The following CAP2 variants were observed in gnomAD, a reference collection of about 807,000 sequenced individuals.
CAP2 encodes the protein cyclase associated actin cytoskeleton regulatory protein 2.
A neutral mutation model predicts 57.7 loss-of-function variants in CAP2; 24 were observed. The ratio of observed to expected loss-of-function variants is 0.42; its 90% CI spans 0.30 to 0.58. The LOEUF is 0.58. Ranked by LOEUF, CAP2 falls within the 20% of genes least tolerant of loss-of-function variation. The pLI, the probability that CAP2 is intolerant of heterozygous loss-of-function variation, is 0.22. For synonymous variants in CAP2, 194 were observed against 207.2 expected (o/e 0.94, Z 0.55); for missense variants, 501 against 590.3 (o/e 0.85, Z 1.57).
intron 7 of CAP2, among the ~76,000 whole-genome samples, chr6:17,530,718 G>A (rs1762619417): frequency 6.6e-6 from 1 of 152,094 alleles, no homozygotes; most frequent in Admixed American, 6.5e-5. Flanking sequence ...AGCTAGCTCT[G>A]TGGAAGAAAC....
chr6:17,408,309 G>C (rs1363179901), intron 1 of CAP2, among the ~76,000 whole-genome samples: 1 of 152,040 alleles, frequency 6.6e-6, no homozygotes, highest in Non-Finnish European at 1.5e-5. Flanking sequence ...AGAGGTGCCA[G>C]GCTCATTTTT....
chr6:17,463,167 C>A, intron 4 of CAP2, 94 bp downstream of exon 4: 2 of 856,710 alleles, frequency 2.3e-6, no homozygotes, highest in South Asian at 1.5e-5. Flanking sequence ...TATAGTCGAC[C>A]TCCTAAAAAT....
At chr6:17,510,574 G>GCCTCCAAATGTTGCCGTGTTGTATT (rs1450945146) in intron 6 of CAP2, among the ~76,000 whole-genome samples, 2 of 152,162 alleles carry the variant, frequency 1.3e-5, no homozygotes, top group African/African-American at 4.8e-5. Flanking sequence ...CCAATGATAT[G>GCCTCCAAATGTTGCCGTGTTGTATT]CCTCCAAATG....
intron 4 of CAP2, among the ~76,000 whole-genome samples, chr6:17,501,880 C>T (rs76671671): frequency 0.066 from 10,056 of 152,198 alleles, 375 homozygotes; most frequent in East Asian, 0.12. Flanking sequence ...TGAAAACATG[C>T]AGTTTGTTCA....
At chr6:17,550,702 A>G (rs1302429298) in intron 11 of CAP2, among the ~76,000 whole-genome samples, 2 of 152,166 alleles carry the variant, frequency 1.3e-5, no homozygotes, top group Non-Finnish European at 2.9e-5. Context: ...GGTATGTCTG[A>G]AAACTGATTG....
chr6:17,398,318 T>A (rs747936324), intron 1 of CAP2, among the ~76,000 whole-genome samples: 1 of 152,084 alleles, frequency 6.6e-6, no homozygotes, highest in Non-Finnish European at 1.5e-5. Context: ...GTATTTCCGA[T>A]GTGATTTAGT....
At chr6:17,466,274 A>G in intron 4 of CAP2, among the ~76,000 whole-genome samples, 1 of 152,238 alleles carries the variant, frequency 6.6e-6, no homozygotes, top group Admixed American at 6.5e-5. Flanking sequence ...AGTGACATAC[A>G]ACAGTGATTC....
chr6:17,415,822 A>G lies in CAP2; in HGVS notation c.-1-5733A>G, dbSNP rs150729697. ...AGGTTGTTATTCTAGGCTTATCACC[A>G]TTGACATTGCGCCATGGAGTGTCAA... On this transcript the variant is annotated intron_variant, in intron 1 of 12. Coordinates refer to ENST00000229922, the MANE Select transcript of CAP2 (RefSeq NM_006366.3). 4.0e-4 allele frequency among the ~76,000 whole-genome samples: 61 copies of G among 152,322 alleles called. No homozygotes were observed. In the East Asian group the frequency reaches 0.01, roughly 26 times the overall value.
intron 12 of CAP2, among the ~76,000 whole-genome samples, chr6:17,554,890 T>C (rs1763258592): frequency 6.6e-6 from 1 of 152,224 alleles, no homozygotes; most frequent in South Asian, 2.1e-4. Flanking sequence ...AGTGTTGACT[T>C]AGACTACTTT....
intron 4 of CAP2, among the ~76,000 whole-genome samples, chr6:17,482,813 C>G (rs536204325): frequency 6.6e-6 from 1 of 152,274 alleles, no homozygotes; most frequent in African/African-American, 2.4e-5. Flanking sequence ...CTGCAACAAC[C>G]CTATTTCCAA....
At chr6:17,517,620 G>A (rs1008207604) in intron 7 of CAP2, among the ~76,000 whole-genome samples, 1 of 152,148 alleles carries the variant, frequency 6.6e-6, no homozygotes, top group Non-Finnish European at 1.5e-5. Flanking sequence ...TGTGTTATAA[G>A]CTAGGTGTGG....
intron 4 of CAP2, among the ~76,000 whole-genome samples, chr6:17,475,444 C>A (rs1292223235): frequency 1.3e-5 from 2 of 152,050 alleles, no homozygotes; most frequent in Non-Finnish European, 2.9e-5. Flanking sequence ...GAAGAACAAG[C>A]GAGATAGTGT....
chr6:17,418,751 A>G (rs533053515), intron 1 of CAP2, among the ~76,000 whole-genome samples: 2 of 152,212 alleles, frequency 1.3e-5, no homozygotes, highest in Admixed American at 6.5e-5. Context: ...AACTGTGAAC[A>G]GATGGGCAAC....
At chr6:17,545,855 C>G (rs1055521509) in intron 11 of CAP2, among the ~76,000 whole-genome samples, 31 of 152,152 alleles carry the variant, frequency 2.0e-4, no homozygotes, top group South Asian at 4.1e-4. Context: ...ATCCATGTCC[C>G]TACAAAGGAC....
At chr6:17,466,892 T>C (rs1168969717) in intron 4 of CAP2, among the ~76,000 whole-genome samples, 15 of 152,204 alleles carry the variant, frequency 9.9e-5, no homozygotes, top group Admixed American at 6.5e-4. Context: ...GTGCGCACTA[T>C]ATAGCTATCT....
Position 17,557,289 on chromosome 6 carries a change from T to G in CAP2, c.*847T>G, listed in dbSNP as rs571752505. 3 of 152,218 alleles carry G rather than the reference T, an allele frequency of 2.0e-5. No individual in the cohort carries two copies. Among genetic ancestry groups the G allele is most frequent in the Non-Finnish European group, 4.4e-5 (3 of 68,030 alleles). The allele number at this position is 152,218 out of a possible 1,614,324, so 9.4% of individuals were successfully genotyped here. ...TGTAAATTATGTCTTTAACGTTTTC[T>G]TATAGACTAATTTCCTCTTTTCCAC... On this transcript the variant is annotated 3_prime_UTR_variant, in exon 13 of 13. Transcript: ENST00000229922.
intron 7 of CAP2, among the ~76,000 whole-genome samples, chr6:17,538,166 C>T (rs1416435251): frequency 6.6e-6 from 1 of 151,632 alleles, no homozygotes; most frequent in Non-Finnish European, 1.5e-5. Context: ...CACAGATATA[C>T]AATATTTTGG....
At chr6:17,489,591 A>G (rs909003888) in intron 4 of CAP2, among the ~76,000 whole-genome samples, 2 of 152,150 alleles carry the variant, frequency 1.3e-5, no homozygotes, top group Admixed American at 1.3e-4. Context: ...GGCATTACCC[A>G]GTGTCAGCTA....
At chr6:17,494,507 C>A (rs7743872) in intron 4 of CAP2, among the ~76,000 whole-genome samples, 80,656 of 151,938 alleles carry the variant, frequency 0.53, 21,631 homozygotes, top group Admixed American at 0.61. Flanking sequence ...ATTCAAATGT[C>A]ACCTTCTCAA....
Sources: gnomAD v4.1 joint callset for allele counts (sites outside exome capture counted in the v4.1 genomes callset) on GRCh38, gnomAD v4.1.1 for gene constraint, MANE v1.5 for transcripts, NCBI Gene and HGNC (gene_info 2026-07-23, HGNC 2026-07-21) for gene names.